Variants in DOCK2 observed in about 807,000 individuals in gnomAD.
DOCK2 encodes dedicator of cytokinesis protein 2.
In DOCK2, 87 loss-of-function variants were observed where a neutral mutation model predicts 248.9. That is an observed-to-expected ratio of 0.35 (90% CI 0.29 to 0.42). DOCK2 has a LOEUF of 0.42. Among genes scored for constraint, DOCK2 ranks in the 10% least tolerant of loss-of-function variants. The pLI is 1.00. For synonymous variants in DOCK2, 805 were observed against 821.6 expected (o/e 0.98, Z 0.35); for missense variants, 1,747 against 2,300.2 (o/e 0.76, Z 4.92).
intron 26 of DOCK2, among the ~76,000 whole-genome samples, chr5:169,836,173 T>C (rs1769573429): frequency 6.6e-6 from 1 of 152,224 alleles, no homozygotes; most frequent in Admixed American, 6.5e-5. Context: ...AAAGTAGATT[T>C]CTCAAATTAT....
At chr5:169,923,589 C>T (rs957219906) in intron 27 of DOCK2, among the ~76,000 whole-genome samples, 4 of 152,072 alleles carry the variant, frequency 2.6e-5, no homozygotes, top group African/African-American at 9.7e-5. Flanking sequence ...TCTATTGTGA[C>T]CTTGGGCACG....
At chr5:170,022,478 C>T (rs147223857) in intron 33 of DOCK2, among the ~76,000 whole-genome samples, 1 of 152,156 alleles carries the variant, frequency 6.6e-6, no homozygotes, top group East Asian at 1.9e-4. Flanking sequence ...ACATTTATCC[C>T]TCATGAGTGT....
At chr5:169,692,655 A>G (rs1760377466) in intron 9 of DOCK2, among the ~76,000 whole-genome samples, 1 of 152,174 alleles carries the variant, frequency 6.6e-6, no homozygotes, top group Non-Finnish European at 1.5e-5. Context: ...TTCTAGGTTT[A>G]TGTAGTATAT....
Position 169,725,714 on chromosome 5 carries a change from T to C in DOCK2, c.2267+6923T>C, listed in dbSNP as rs552219677. 1.1e-4 allele frequency among the ~76,000 whole-genome samples: 17 copies of C among 151,700 alleles called. No homozygotes were observed. The South Asian group carries it at 3.6e-3, about 32-fold the overall frequency. On this transcript the variant is annotated intron_variant, in intron 22 of 51. Transcript: ENST00000520908. ...ATGTTCCCCACCATGTGTCCATGTG[T>C]TCTCATTGTTCACCTCTCACCTATG...
chr5:169,676,792 G>A (rs187451621), intron 6 of DOCK2, among the ~76,000 whole-genome samples: 13 of 152,246 alleles, frequency 8.5e-5, no homozygotes, highest in East Asian at 7.7e-4. Context: ...CATTCATTCC[G>A]TTCCTTCATT....
chr5:169,912,607 G>A (rs1467898972), intron 27 of DOCK2, among the ~76,000 whole-genome samples: 2 of 136,420 alleles, frequency 1.5e-5, no homozygotes, highest in African/African-American at 6.0e-5. Flanking sequence ...GTGCCACTGT[G>A]TGTGGTGGAG....
intron 25 of DOCK2, among the ~76,000 whole-genome samples, chr5:169,784,019 A>G (rs1322485995): frequency 6.6e-6 from 1 of 152,322 alleles, no homozygotes; most frequent in Non-Finnish European, 1.5e-5. Flanking sequence ...TGTAAGGCCA[A>G]TTTAAATCAG....
chr5:169,840,316 A>C (rs1026811971), intron 26 of DOCK2, among the ~76,000 whole-genome samples: 4 of 152,228 alleles, frequency 2.6e-5, no homozygotes, highest in African/African-American at 7.2e-5. Flanking sequence ...GTGTTAAACC[A>C]TGAGAATCCA....
At chr5:170,076,370 G>A (rs561290435) in intron 47 of DOCK2, among the ~76,000 whole-genome samples, 2 of 152,330 alleles carry the variant, frequency 1.3e-5, no homozygotes, top group South Asian at 2.1e-4. Context: ...CATCTACTAT[G>A]TGCCAGGCCT....
chr5:169,928,518 G>C (rs982314333), intron 27 of DOCK2, among the ~76,000 whole-genome samples: 10 of 152,338 alleles, frequency 6.6e-5, no homozygotes, highest in Admixed American at 1.3e-4. Context: ...AGTTACGGGA[G>C]TAACCTTGCT....
chr5:170,064,928 A>T (rs1456181567), intron 44 of DOCK2, among the ~76,000 whole-genome samples: 6 of 152,196 alleles, frequency 3.9e-5, no homozygotes, highest in Non-Finnish European at 7.3e-5. Flanking sequence ...GAAAATATAA[A>T]ACTTAGTGTT....
At chr5:169,864,476 G>A (rs1320081460) in intron 27 of DOCK2, 3 of 1,502,906 alleles carry the variant, frequency 2.0e-6, no homozygotes, top group Admixed American at 4.4e-5. Context: ...AACACAGAGA[G>A]GAAGGAAGGA....
At chr5:169,794,482 CTATG>C (rs765587738) in intron 25 of DOCK2, among the ~76,000 whole-genome samples, 10 of 152,032 alleles carry the variant, frequency 6.6e-5, no homozygotes, top group Non-Finnish European at 1.3e-4. Context: ...TGAGTATTGA[CTATG>C]TGTGTATGCA....
At chr5:169,828,018 G>A (rs1375297654) in intron 26 of DOCK2, among the ~76,000 whole-genome samples, 2 of 152,148 alleles carry the variant, frequency 1.3e-5, no homozygotes, top group Non-Finnish European at 2.9e-5. Flanking sequence ...GATTTTGCCA[G>A]CACCATGGAG....
intron 1 of DOCK2, among the ~76,000 whole-genome samples, chr5:169,644,473 G>A (rs1021604197): frequency 2.6e-5 from 4 of 152,034 alleles, no homozygotes; most frequent in East Asian, 3.9e-4. Flanking sequence ...AAGGAGAGAG[G>A]AGCCAGTGGT....
At chr5:169,934,566 G>A (rs1196376294) in intron 27 of DOCK2, 2 of 450,612 alleles carry the variant, frequency 4.4e-6, no homozygotes, top group East Asian at 1.4e-4. Flanking sequence ...CACACACCTG[G>A]ATCTAAATCC....
chr5:169,999,703 T>C (rs1465949872), intron 30 of DOCK2, among the ~76,000 whole-genome samples: 1 of 152,212 alleles, frequency 6.6e-6, no homozygotes, highest in African/African-American at 2.4e-5. Context: ...TTTGTTCTCC[T>C]ACCTCTTCCT....
chr5:170,027,854 C>A lies in DOCK2; in HGVS notation c.3382-9C>A. ...TGTTATTGTTGATTTTTGTCTCCTA[C>A]ATCTTCAGTTTGAAAACGAAATCAT... is the stretch of plus-strand genomic sequence containing the variant. On this transcript the variant is annotated splice_polypyrimidine_tract_variant and intron_variant, in intron 33 of 51. Coordinates refer to ENST00000520908, the MANE Select transcript of DOCK2 (RefSeq NM_004946.3). The A allele has an allele frequency of 6.2e-7, 1 of 1,610,578 alleles. No individual in the cohort carries two copies. The highest frequency in any genetic ancestry group is 1.1e-5 in the South Asian group (1 of 90,522).
At chr5:169,670,740 T>C (rs1459903393) in intron 4 of DOCK2, 143 bp downstream of exon 4, 2 of 970,516 alleles carry the variant, frequency 2.1e-6, no homozygotes, top group Admixed American at 2.4e-5. Context: ...GGGTCTCCTT[T>C]CCGTTACTCA....
Sources: gnomAD v4.1 joint callset for allele counts (sites outside exome capture counted in the v4.1 genomes callset) on GRCh38, gnomAD v4.1.1 for gene constraint, MANE v1.5 for transcripts, NCBI Gene and HGNC (gene_info 2026-07-23, HGNC 2026-07-21) for gene names.